Variants in PDS5B observed in about 807,000 individuals in gnomAD.
PDS5B encodes sister chromatid cohesion protein PDS5 homolog B.
PDS5B carries 51 observed loss-of-function variants against 184.1 expected under a neutral mutation model. That is an observed-to-expected ratio of 0.28 (90% CI 0.22 to 0.35). PDS5B has a LOEUF of 0.35. Among genes scored for constraint, PDS5B ranks in the 10% least tolerant of loss-of-function variants. The probability of loss-of-function intolerance (pLI) is 1.00; values close to 1 mark genes in which losing one functional copy is unlikely to be tolerated. For missense variants in PDS5B, 1,180 were observed against 1,723.3 expected (o/e 0.68, Z 5.58); for synonymous variants, 566 against 569.2 (o/e 0.99, Z 0.08).
intron 24 of PDS5B, among the ~76,000 whole-genome samples, chr13:32,752,133 T>A (rs1451147748): frequency 6.6e-6 from 1 of 151,000 alleles, no homozygotes; most frequent in Non-Finnish European, 1.5e-5. Context: ...TGTGCAGTAG[T>A]CTCCCCTATC....
At chr13:32,591,138 T>C (rs948073762) in intron 1 of PDS5B, among the ~76,000 whole-genome samples, 10 of 151,946 alleles carry the variant, frequency 6.6e-5, no homozygotes, top group African/African-American at 9.7e-5. Flanking sequence ...ATTATTATTA[T>C]TATTTTTTGA....
intron 10 of PDS5B, among the ~76,000 whole-genome samples, chr13:32,683,668 G>A (rs577281476): frequency 3.3e-5 from 5 of 152,258 alleles, no homozygotes; most frequent in East Asian, 1.9e-4. Flanking sequence ...ATGGAGAGGA[G>A]GCTGTTATTA....
chr13:32,638,898 C>T (rs2058610814), intron 1 of PDS5B, among the ~76,000 whole-genome samples: 1 of 151,702 alleles, frequency 6.6e-6, no homozygotes, highest in Non-Finnish European at 1.5e-5. Context: ...TAATAAGAGG[C>T]TGAGGGTTTC....
At chr13:32,726,132 T>C (rs1952890547) in intron 19 of PDS5B, among the ~76,000 whole-genome samples, 1 of 145,320 alleles carries the variant, frequency 6.9e-6, no homozygotes, top group South Asian at 2.2e-4. Context: ...TATTCCTTTC[T>C]TCCCTGTAGA....
intron 28 of PDS5B, among the ~76,000 whole-genome samples, chr13:32,759,031 A>G (rs1211241582): frequency 1.3e-5 from 2 of 152,268 alleles, no homozygotes; most frequent in East Asian, 3.9e-4. Context: ...ACACTAGAAC[A>G]TGCCTAAGAC....
intron 19 of PDS5B, among the ~76,000 whole-genome samples, chr13:32,718,252 A>G (rs61945164): frequency 0.31 from 47,444 of 151,280 alleles, 9,040 homozygotes; most frequent in Non-Finnish European, 0.43. Context: ...CCGGGTTCAC[A>G]CCATTCTCCT....
At chr13:32,727,105 T>G (rs1952928322) in intron 19 of PDS5B, among the ~76,000 whole-genome samples, 1 of 152,158 alleles carries the variant, frequency 6.6e-6, no homozygotes, top group South Asian at 2.1e-4. Context: ...GCTACCATCT[T>G]GATAGTTTTC....
intron 1 of PDS5B, among the ~76,000 whole-genome samples, chr13:32,596,862 T>A (rs1338610662): frequency 6.6e-6 from 1 of 152,148 alleles, no homozygotes; most frequent in Non-Finnish European, 1.5e-5. Context: ...ATGCAGGAAT[T>A]CTTAATGTAC....
In PDS5B at chr13:32,773,375, A is replaced by G. The variant is rs372155243; in HGVS notation, c.4308+51A>G. The G allele has an allele frequency of 6.7e-6, 10 of 1,502,602 alleles. No homozygotes were observed. The African/African-American group carries it at 1.4e-4, about 21-fold the overall frequency. The allele number at this position is 1,502,602 out of a possible 1,614,324, so 93.1% of individuals were successfully genotyped here. A position where few individuals can be genotyped will look rare whatever the true frequency, so the allele number is the denominator to read the frequency against. On this transcript the variant is annotated intron_variant, in intron 34 of 34. Transcript: ENST00000315596. The stretch of plus-strand genomic sequence containing the variant: ...GGTGTGGGATATAAAAAGAGTTAGT[A>G]AATGTTTGGTTAGATCATTTAGTAC...
chr13:32,660,070 C>T (rs899753494), intron 6 of PDS5B, among the ~76,000 whole-genome samples: 1 of 152,138 alleles, frequency 6.6e-6, no homozygotes, highest in African/African-American at 2.4e-5. Context: ...ATAAAATCTA[C>T]AGGTCCTGGT....
At chr13:32,666,981 C>T (rs539505948) in intron 6 of PDS5B, among the ~76,000 whole-genome samples, 1 of 151,820 alleles carries the variant, frequency 6.6e-6, no homozygotes, top group East Asian at 1.9e-4. Context: ...ATGAATAGGA[C>T]AATCAGTAAA....
rs1318955693 is a variant in PDS5B at position 32,687,298 on chromosome 13, C to T, written c.1355+13C>T. The T allele has an allele frequency of 1.3e-6, 2 of 1,518,688 alleles. No individual in the cohort carries two copies. The highest frequency in any genetic ancestry group is 8.9e-7 in the Non-Finnish European group (1 of 1,125,130). The allele number at this position is 1,518,688 out of a possible 1,614,324, so 94.1% of individuals were successfully genotyped here. A position where few individuals can be genotyped will look rare whatever the true frequency, so the allele number is the denominator to read the frequency against. On this transcript the variant is annotated intron_variant, in intron 12 of 34. Transcript: ENST00000315596. ...GTATTGATGATCGGTAAGTTAAGGA[C>T]ACTATAAATATTTGGTGACTTTGAA...
chr13:32,752,146 T>G (rs760432678), intron 24 of PDS5B, among the ~76,000 whole-genome samples: 1 of 152,196 alleles, frequency 6.6e-6, no homozygotes, highest in Non-Finnish European at 1.5e-5. Context: ...CCCCTATCTT[T>G]GGTTTTGCTT....
rs971647893 is a variant in PDS5B at position 32,630,201 on chromosome 13, T to C, written c.-19-18553T>C. 2.6e-5 allele frequency among the ~76,000 whole-genome samples: 4 copies of C among 152,338 alleles called. No individual in the cohort carries two copies. The South Asian group carries it at 8.3e-4, about 32-fold the overall frequency. On this transcript the variant is annotated intron_variant, in intron 1 of 34. Transcript: ENST00000315596. ...TGTACATTATCACATGCATGCAAACTCTGTATACTCTTTTAGATGACTATA... is the reference window on the plus strand; with the variant it reads ...TGTACATTATCACATGCATGCAAACCCTGTATACTCTTTTAGATGACTATA...
At chr13:32,749,043 G>T (rs756272693) in intron 24 of PDS5B, among the ~76,000 whole-genome samples, 17 of 152,012 alleles carry the variant, frequency 1.1e-4, no homozygotes, top group Non-Finnish European at 2.2e-4. Flanking sequence ...AATATTTAGG[G>T]GGTTGATGCT....
At chr13:32,607,833 G>A (rs528870472) in intron 1 of PDS5B, among the ~76,000 whole-genome samples, 1 of 152,318 alleles carries the variant, frequency 6.6e-6, no homozygotes, top group African/African-American at 2.4e-5. Context: ...AGTGAGTGAG[G>A]CTCCGTGGGT....
At chr13:32,662,434 T>TAA (rs1950675444) in intron 6 of PDS5B, among the ~76,000 whole-genome samples, 1 of 151,834 alleles carries the variant, frequency 6.6e-6, no homozygotes, top group Non-Finnish European at 1.5e-5. Context: ...AACTACTAAT[T>TAA]TAATAACAAG....
chr13:32,675,986 A>G, intron 9 of PDS5B, 27 bp downstream of exon 9: 1 of 1,310,854 alleles, frequency 7.6e-7, no homozygotes, highest in African/African-American at 1.4e-5. Flanking sequence ...TCCCATTTAA[A>G]AGTAATACAT....
chr13:32,604,797 C>T (rs1029395079), intron 1 of PDS5B, among the ~76,000 whole-genome samples: 1 of 152,146 alleles, frequency 6.6e-6, no homozygotes, highest in Non-Finnish European at 1.5e-5. Context: ...CTGGTTTAGT[C>T]TTGGGAGGGT....
Sources: gnomAD v4.1 joint callset for allele counts (sites outside exome capture counted in the v4.1 genomes callset) on GRCh38, gnomAD v4.1.1 for gene constraint, MANE v1.5 for transcripts, NCBI Gene and HGNC (gene_info 2026-07-23, HGNC 2026-07-21) for gene names.